The following SYNE1 variants were observed in gnomAD, a reference collection of about 807,000 sequenced individuals.
SYNE1 encodes nesprin-1.
In SYNE1, 616 loss-of-function variants were observed where a neutral mutation model predicts 1,111.0. That is an observed-to-expected ratio of 0.55 (90% CI 0.52 to 0.59). The LOEUF (loss-of-function observed/expected upper bound fraction) is 0.59. Ranked by LOEUF, SYNE1 falls within the 20% of genes least tolerant of loss-of-function variation. SYNE1 has a pLI of 0.00. For missense variants in SYNE1, 10,006 were observed against 10,417.0 expected, an observed-to-expected ratio of 0.96 and a Z score of 1.72; for synonymous variants, 3,855 against 3,825.8, an observed-to-expected ratio of 1.01 and a Z score of -0.28.
chr6:152,571,304 T>C (rs2099455338), intron 3 of SYNE1, among the ~76,000 whole-genome samples: 2 of 152,116 alleles, frequency 1.3e-5, no homozygotes, highest in African/African-American at 4.8e-5. Context: ...TTGGCAATGA[T>C]CTCTAGCTGA....
At chr6:152,207,833 A>C in intron 125 of SYNE1, 139 bp downstream of exon 125, 1 of 838,282 alleles carries the variant, frequency 1.2e-6, no homozygotes, top group Non-Finnish European at 2.0e-6. Context: ...ATCATTTTGT[A>C]TATTTCTGTT....
intron 20 of SYNE1, among the ~76,000 whole-genome samples, chr6:152,462,093 G>A (rs1486150317): frequency 2.1e-4 from 23 of 107,398 alleles, no homozygotes; most frequent in African/African-American, 7.9e-4. Flanking sequence ...ACTGGTTTTC[G>A]TTAAAAAAAA....
At chr6:152,550,380 TA>T in intron 3 of SYNE1, among the ~76,000 whole-genome samples, 1 of 152,228 alleles carries the variant, frequency 6.6e-6, no homozygotes, top group Non-Finnish European at 1.5e-5. Context: ...ATCTATTTTT[TA>T]AAAAACAAAT....
intron 135 of SYNE1, 152 bp from the exon 136 acceptor site, chr6:152,149,820 C>A: frequency 1.4e-6 from 1 of 698,330 alleles, no homozygotes; most frequent in Admixed American, 2.4e-5. Context: ...AGTCTATTAC[C>A]TTCTAAAGTA....
chr6:152,370,063 C>T (rs963161520), intron 59 of SYNE1, among the ~76,000 whole-genome samples: 10 of 149,566 alleles, frequency 6.7e-5, no homozygotes, highest in African/African-American at 2.5e-4. Context: ...CCATCTTTTA[C>T]CTTGGCACAA....
At chr6:152,279,315 T>A (rs552083922) in intron 97 of SYNE1, among the ~76,000 whole-genome samples, 2 of 151,726 alleles carry the variant, frequency 1.3e-5, no homozygotes, top group East Asian at 3.9e-4. Context: ...TCATTGTTTT[T>A]ATGTTAATTC....
At chr6:152,283,692 A>G (rs779781764) in intron 96 of SYNE1, among the ~76,000 whole-genome samples, 4 of 151,972 alleles carry the variant, frequency 2.6e-5, no homozygotes, top group African/African-American at 4.8e-5. Context: ...ACACACCACC[A>G]TGTCTGGCTC....
At chr6:152,354,636 T>C (rs771703671) in intron 67 of SYNE1, 23 bp downstream of exon 67, 3 of 1,613,236 alleles carry the variant, frequency 1.9e-6, no homozygotes, top group Non-Finnish European at 2.5e-6. Flanking sequence ...TTGACAAAGA[T>C]CAGGAATCTA....
chr6:152,395,223 T>C (rs925355667), intron 51 of SYNE1, among the ~76,000 whole-genome samples: 2 of 152,158 alleles, frequency 1.3e-5, no homozygotes, highest in Admixed American at 1.3e-4. Context: ...ACACAATGTT[T>C]AAAGGCTAAA....
intron 87 of SYNE1, 42 bp from the exon 88 acceptor site, chr6:152,310,915 A>G (rs966549737): frequency 6.3e-7 from 1 of 1,582,910 alleles, no homozygotes; most frequent in Non-Finnish European, 8.6e-7. Context: ...ACGGGCAGGT[A>G]GAGGGATATA....
rs71017542 is a variant in SYNE1, at chr6:152,596,098, T to TAAAAAAAAA, written c.67+32158_67+32166dup. Among the ~76,000 whole-genome samples, 85 of 18,580 alleles carry TAAAAAAAAA rather than the reference T, an allele frequency of 4.6e-3. 14 individuals are homozygous for TAAAAAAAAA. Among genetic ancestry groups the TAAAAAAAAA allele is most frequent in the Non-Finnish European group, 6.9e-3 (66 of 9,544 alleles). The allele number at this position is 18,580 out of a possible 152,430, so 12.2% of individuals were successfully genotyped here. On this transcript the variant is annotated intron_variant, in intron 3 of 145. Transcript: ENST00000367255. Reference sequence around the variant, plus strand: ...AGTGTGCCTGGCAAAAAGGGCAATCTAAAAAAAAAAAAAAAAAAAAAAAAA... The same window carrying TAAAAAAAAA: ...AGTGTGCCTGGCAAAAAGGGCAATCTAAAAAAAAAAAAAAAAAAAAAAAAAAAAAAAAAA...
At chr6:152,346,715 TAGG>T (rs1563236588) in intron 73 of SYNE1, among the ~76,000 whole-genome samples, 1 of 150,362 alleles carries the variant, frequency 6.7e-6, no homozygotes, top group Admixed American at 6.6e-5. Context: ...GAGGCTGAAG[TAGG>T]AGAATGGCGT....
chr6:152,474,162 G>A (rs2098822596), intron 14 of SYNE1, among the ~76,000 whole-genome samples: 2 of 148,428 alleles, frequency 1.3e-5, no homozygotes, highest in African/African-American at 5.1e-5. Flanking sequence ...TCCAGCCTGG[G>A]CAACAGGGTA....
Position 152,239,627 on chromosome 6 carries a change from T to A in SYNE1, c.19973A>T (p.Lys6658Met). The A allele has an allele frequency of 6.2e-7, 1 of 1,614,188 alleles. No individual in the cohort carries two copies. The highest frequency in any genetic ancestry group is 8.5e-7 in the Non-Finnish European group (1 of 1,180,038). Reference protein sequence around the residue: ...FRKIISFAVQKETQFHTELMA... With the variant: ...FRKIISFAVQMETQFHTELMA... The stretch of plus-strand genomic sequence containing the variant: ...CAGCTCTGTATGGAACTGGGTTTCC[T>A]TTTGGACTGCAAAGCTGATTATCTT... Residue 6658 changes from lysine (K) to methionine (M), a missense_variant, in exon 108 of 146, where the codon AAG (lysine) becomes ATG (methionine). Coordinates refer to ENST00000367255, the MANE Select transcript of SYNE1 (RefSeq NM_182961.4).
At chr6:152,588,123 C>G (rs909595486) in intron 3 of SYNE1, among the ~76,000 whole-genome samples, 2 of 152,220 alleles carry the variant, frequency 1.3e-5, no homozygotes, top group African/African-American at 4.8e-5. Flanking sequence ...CACAGTCTAG[C>G]TGACATTCAA....
intron 3 of SYNE1, among the ~76,000 whole-genome samples, chr6:152,568,087 A>T (rs1564897950): frequency 6.6e-6 from 1 of 152,052 alleles, no homozygotes. Flanking sequence ...ATTAAAATAA[A>T]CTATAACAAC....
chr6:152,326,337 C>A lies in SYNE1; in HGVS notation c.15252G>T (p.Arg5084Ser). 1 of 1,614,130 alleles carries A rather than the reference C, an allele frequency of 6.2e-7. No homozygotes were observed. The highest frequency in any genetic ancestry group is 8.5e-7 in the Non-Finnish European group (1 of 1,179,994). ...KVASLELRSQ[R>S]MSRDSGAQVD... Reference sequence around the variant, plus strand: ...CTTGGGCACCAGAGTCCCGGCTCATCCTCTGGCTCCTGAGTTCCAGAGAAG... The same window carrying A: ...CTTGGGCACCAGAGTCCCGGCTCATACTCTGGCTCCTGAGTTCCAGAGAAG... Residue 5084 changes from arginine to serine, a missense_variant, in exon 79 of 146, where the codon AGG becomes AGT. By Grantham distance (110) the Arg-to-Ser change is moderately radical. This residue lies in a region of SYNE1 where 4,955 missense variants were observed against 5,017.2 expected (regional missense o/e 0.99). Transcript: ENST00000367255.
intron 87 of SYNE1, among the ~76,000 whole-genome samples, chr6:152,314,677 A>G (rs2095654011): frequency 6.6e-6 from 1 of 152,112 alleles, no homozygotes; most frequent in Admixed American, 6.5e-5. Context: ...TTTGTTGAAT[A>G]AATAAACAAA....
chr6:152,312,664 A>T (rs2095590272), intron 87 of SYNE1, among the ~76,000 whole-genome samples: 1 of 149,016 alleles, frequency 6.7e-6, no homozygotes, highest in Admixed American at 6.7e-5. Flanking sequence ...TTACTATATA[A>T]ATATATCAAA....
Sources: allele counts gnomAD v4.1 joint callset (sites outside exome capture counted in the v4.1 genomes callset), GRCh38; gene constraint gnomAD v4.1.1; regional missense constraint gnomAD v4.1.1; transcripts MANE v1.5; gene names NCBI Gene and HGNC (gene_info 2026-07-23, HGNC 2026-07-21).